Variants in SEC23B observed in about 807,000 individuals in gnomAD.
The protein encoded by SEC23B is protein transport protein Sec23B.
A neutral mutation model predicts 104.3 loss-of-function variants in SEC23B; 77 were observed. The observed-to-expected ratio is 0.74, with a 90% confidence interval of 0.61 to 0.89. The LOEUF (loss-of-function observed/expected upper bound fraction) is 0.89. SEC23B is among the 40% of genes least tolerant of loss of function. SEC23B has a pLI of 0.00. For missense variants in SEC23B, 885 were observed against 949.4 expected (o/e 0.93, Z 0.89); for synonymous variants, 338 against 332.5 (o/e 1.02, Z -0.18).
Position 18,515,740 on chromosome 20 carries a change from ATTTCT to A in SEC23B, c.366+7_366+11del. ...TACAATTGAGTACGTGATACAGGTA[ATTTCT>A]TTGTTGTGCATTTAATGAGCAATGT... On this transcript the variant is annotated splice_donor_5th_base_variant and intron_variant, in intron 4 of 19. Coordinates refer to ENST00000650089, the MANE Select transcript of SEC23B (RefSeq NM_006363.6). 6.4e-7 allele frequency: 1 copy of A among 1,558,714 alleles called. No homozygotes were observed. The highest frequency in any genetic ancestry group is 8.9e-7 in the Non-Finnish European group (1 of 1,129,646).
At chr20:18,512,709 G>A (rs1432599960) in intron 3 of SEC23B, among the ~76,000 whole-genome samples, 1 of 152,124 alleles carries the variant, frequency 6.6e-6, no homozygotes, top group Admixed American at 6.6e-5. Flanking sequence ...AATTTTAAAA[G>A]TACCAAACTA....
chr20:18,507,895 G>A (rs938726686), upstream of SEC23B: 1 of 152,586 alleles, frequency 6.6e-6, no homozygotes, highest in Non-Finnish European at 1.5e-5. Context: ...TGGCCAATCG[G>A]TTGAGAGCTG....
chr20:18,534,161 T>A (rs1167007123), intron 11 of SEC23B, among the ~76,000 whole-genome samples: 1 of 152,236 alleles, frequency 6.6e-6, no homozygotes, highest in Non-Finnish European at 1.5e-5. Context: ...TATCAACTTT[T>A]TTTTTGCCGA....
At chr20:18,530,332 A>G (rs1055452713) in intron 9 of SEC23B, among the ~76,000 whole-genome samples, 1 of 151,892 alleles carries the variant, frequency 6.6e-6, no homozygotes, top group South Asian at 2.1e-4. Context: ...GTTCGCTGCA[A>G]CCTCTGCCTC....
chr20:18,524,160 G>T (rs2060111683), intron 4 of SEC23B, among the ~76,000 whole-genome samples: 1 of 152,074 alleles, frequency 6.6e-6, no homozygotes, highest in Non-Finnish European at 1.5e-5. Flanking sequence ...TGTTTTTTCT[G>T]TTCACTGTGT....
intron 2 of SEC23B, 73 bp downstream of exon 2, chr20:18,511,129 G>T: frequency 1.5e-6 from 2 of 1,291,902 alleles, no homozygotes; most frequent in Non-Finnish European, 2.2e-6. Flanking sequence ...GCTCATAAAA[G>T]TCATTAAATT....
rs16979303 is a variant in SEC23B, at chr20:18,527,711, A to C, written c.1109+100A>C. The C allele has an allele frequency of 2.8e-3, 2,315 of 825,394 alleles. 50 individuals are homozygous for C. In the Admixed American group the frequency reaches 0.033, roughly 12 times the overall value. 51.1% of individuals were successfully genotyped at this position (825,394 alleles called of 1,614,324 possible). On this transcript the variant is annotated intron_variant, in intron 9 of 19. Transcript: ENST00000650089. ...GGAATGGGCAAGGCCAACTCAGAGAAGCTTTCAGGTAGCTCTGGGCTATGG... is the reference window on the plus strand; with the variant it reads ...GGAATGGGCAAGGCCAACTCAGAGACGCTTTCAGGTAGCTCTGGGCTATGG...
At chr20:18,532,869 A>G in intron 11 of SEC23B, 125 bp downstream of exon 11, 2 of 740,488 alleles carry the variant, frequency 2.7e-6, no homozygotes, top group Non-Finnish European at 2.5e-6. Context: ...AGAAGGGCTA[A>G]CCCTCACTGA....
chr20:18,534,288 T>C (rs75888065), intron 11 of SEC23B, among the ~76,000 whole-genome samples: 21,444 of 152,240 alleles, frequency 0.14, 2,027 homozygotes, highest in Non-Finnish European at 0.2. Context: ...AAAATAATAA[T>C]TTCCTAATAT....
rs8125203 is a variant in SEC23B at position 18,534,555 on chromosome 20, A to C, written c.1315-1098A>C. On this transcript the variant is annotated intron_variant, in intron 11 of 19. Coordinates refer to ENST00000650089, the MANE Select transcript of SEC23B (RefSeq NM_006363.6). ...GTTAGATCGCTTGGTGATGGTGGTA[A>C]CTGCCCCACTGCCTTTCTACTGTAA... is the stretch of plus-strand genomic sequence containing the variant. Among the ~76,000 whole-genome samples, 1,229 of 152,312 alleles carry C rather than the reference A, an allele frequency of 8.1e-3. 16 individuals are homozygous for C. The highest frequency in any genetic ancestry group is 0.04 in the South Asian group (191 of 4,830).
chr20:18,556,235 G>C (rs1289983490), intron 19 of SEC23B, among the ~76,000 whole-genome samples: 1 of 152,104 alleles, frequency 6.6e-6, no homozygotes, highest in Admixed American at 6.6e-5. Context: ...GCCAAGGACT[G>C]GTACTATCCG....
chr20:18,524,675 T>C lies in SEC23B; in HGVS notation c.603+6T>C. 1 of 1,606,348 alleles carries C rather than the reference T, an allele frequency of 6.2e-7. No homozygotes were observed. The highest frequency in any genetic ancestry group is 8.5e-7 in the Non-Finnish European group (1 of 1,173,572). Reference sequence around the variant, plus strand: ...TAACTGCAAAGCAAATACAGGTTTGTACCTTACTTGTACAGGAGCAGAAAC... The same window carrying C: ...TAACTGCAAAGCAAATACAGGTTTGCACCTTACTTGTACAGGAGCAGAAAC... On this transcript the variant is annotated splice_donor_region_variant and intron_variant, in intron 5 of 19. Transcript: ENST00000650089.
intron 12 of SEC23B, among the ~76,000 whole-genome samples, chr20:18,537,061 T>C (rs2060238497): frequency 6.6e-6 from 1 of 152,182 alleles, no homozygotes; most frequent in Non-Finnish European, 1.5e-5. Context: ...TTCAAACCTG[T>C]GTTACTCATC....
rs1272623583 is a variant in SEC23B at position 18,526,282 on chromosome 20, A to ATGC, written c.835-90_835-88dup. On this transcript the variant is annotated intron_variant, in intron 7 of 19. Transcript: ENST00000650089. ...CCACTTTTTAGGACAGCTGGAGAGA[A>ATGC]TGCATCTTTGGAGTATTTCTATTGG... 2.1e-6 allele frequency: 3 copies of ATGC among 1,397,888 alleles called. No homozygotes were observed. In the East Asian group the frequency reaches 6.9e-5, roughly 32 times the overall value. The allele number at this position is 1,397,888 out of a possible 1,614,324, so 86.6% of individuals were successfully genotyped here.
intron 16 of SEC23B, among the ~76,000 whole-genome samples, chr20:18,550,236 C>A (rs1427224479): frequency 6.6e-6 from 1 of 151,794 alleles, no homozygotes; most frequent in Non-Finnish European, 1.5e-5. Context: ...CTCACTGCAA[C>A]CTCCGCCTTC....
chr20:18,524,899 T>C lies in SEC23B; in HGVS notation c.604-36T>C, dbSNP rs192652014. 6.1e-5 allele frequency: 98 copies of C among 1,605,500 alleles called. 1 individual carries two copies. In the African/African-American group the frequency reaches 9.1e-4, roughly 15 times the overall value. ...AATTAGTCATTCACTTTTAGTGTCA[T>C]TGGAAATGAATCTTTTTGGCTTTTT... On this transcript the variant is annotated intron_variant, in intron 5 of 19. Coordinates refer to ENST00000650089, the MANE Select transcript of SEC23B (RefSeq NM_006363.6).
At chr20:18,534,615 CTT>C (rs2060212064) in intron 11 of SEC23B, among the ~76,000 whole-genome samples, 3 of 152,346 alleles carry the variant, frequency 2.0e-5, no homozygotes, top group Admixed American at 6.5e-5. Context: ...AGCAGGCAAT[CTT>C]TTGAATGAGA....
chr20:18,547,408 T>C (rs929319462), intron 15 of SEC23B, among the ~76,000 whole-genome samples: 3 of 152,186 alleles, frequency 2.0e-5, no homozygotes, highest in African/African-American at 7.2e-5. Flanking sequence ...GAACCTATGA[T>C]TGAATATTTG....
intron 19 of SEC23B, among the ~76,000 whole-genome samples, chr20:18,559,741 T>G (rs1368859608): frequency 6.6e-6 from 1 of 152,136 alleles, no homozygotes; most frequent in Non-Finnish European, 1.5e-5. Context: ...AAATTCAGAG[T>G]ATATGAGGCA....
Sources: gnomAD v4.1 joint callset for allele counts (sites outside exome capture counted in the v4.1 genomes callset) on GRCh38, gnomAD v4.1.1 for gene constraint, MANE v1.5 for transcripts, NCBI Gene and HGNC (gene_info 2026-07-23, HGNC 2026-07-21) for gene names.